Variants in ATP9A observed in about 807,000 individuals in gnomAD.
ATP9A encodes the protein ATPase phospholipid transporting 9A.
A neutral mutation model predicts 144.1 loss-of-function variants in ATP9A; 52 were observed. That is an observed-to-expected ratio of 0.36 (90% CI 0.29 to 0.45). The LOEUF (loss-of-function observed/expected upper bound fraction) is 0.45, where lower values mean the gene tolerates loss of function less well. ATP9A is among the 20% of genes least tolerant of loss of function. The pLI, the probability that ATP9A is intolerant of heterozygous loss-of-function variation, is 1.00. For missense variants in ATP9A, 947 were observed against 1,392.7 expected (o/e 0.68, Z 5.09); for synonymous variants, 582 against 557.4 (o/e 1.04, Z -0.62).
intron 14 of ATP9A, among the ~76,000 whole-genome samples, chr20:51,640,648 G>A (rs1431164800): frequency 6.6e-6 from 1 of 152,224 alleles, no homozygotes; most frequent in African/African-American, 2.4e-5. Context: ...TGTCAAGTCA[G>A]AACCTTCTCA....
In ATP9A at chr20:51,618,561, G is replaced by C. The variant is rs2077212828; in HGVS notation, c.2350+101C>G. On this transcript the variant is annotated intron_variant, in intron 21 of 27. Coordinates refer to ENST00000338821, the MANE Select transcript of ATP9A (RefSeq NM_006045.3). ...TCATGACCTGAACAAAGGGGCCTGG[G>C]GAATTTGAAGAAAGAGCAGCAGTGT... is the stretch of plus-strand genomic sequence containing the variant. 3.4e-6 allele frequency: 5 copies of C among 1,467,008 alleles called. No homozygotes were observed. The South Asian group carries it at 6.7e-5, about 20-fold the overall frequency. 90.9% of individuals were successfully genotyped at this position (1,467,008 alleles called of 1,614,324 possible).
chr20:51,653,593 C>A (rs1382033898), intron 14 of ATP9A, among the ~76,000 whole-genome samples: 1 of 152,126 alleles, frequency 6.6e-6, no homozygotes, highest in Non-Finnish European at 1.5e-5. Context: ...TGAGACCAGC[C>A]TGGCTAACAT....
Position 51,674,299 on chromosome 20 carries a change from G to C in ATP9A, c.891C>G (p.Asp297Glu). 1.2e-6 allele frequency: 2 copies of C among 1,613,392 alleles called. No homozygotes were observed. The highest frequency in any genetic ancestry group is 1.7e-6 in the Non-Finnish European group (2 of 1,179,956). Residue 297 changes from aspartate (D) to glutamate (E), a missense_variant, in exon 11 of 28, where the codon GAC becomes GAG. Around this residue, in one of 2 missense-constraint regions of ATP9A, gnomAD observed 770 missense variants for 1,047.9 expected, o/e 0.73. Transcript: ENST00000338821. ...TCTTGGTGAGGCAGTTCACTTCCAA[G>C]TCGAACAGGCCGATCTGTGGGACGA... ...SNPRSKIGLF[D>E]LEVNCLTKIL...
intron 14 of ATP9A, among the ~76,000 whole-genome samples, chr20:51,642,726 C>CAAA (rs778440862): frequency 3.2e-4 from 10 of 31,108 alleles, no homozygotes; most frequent in Admixed American, 4.7e-4. Context: ...ACTCTGTCTC[C>CAAA]AAAAAAAAAA....
At chr20:51,678,552 C>T (rs1473416505) in intron 9 of ATP9A, among the ~76,000 whole-genome samples, 3 of 152,320 alleles carry the variant, frequency 2.0e-5, no homozygotes, top group African/African-American at 7.2e-5. Flanking sequence ...CCAGGGAGAG[C>T]TTGCGGTGGC....
At position 51,600,659 on chromosome 20, in the gene ATP9A, C is replaced by T. The variant is rs1013647032; in HGVS notation, c.*552G>A. 1.3e-5 allele frequency: 2 copies of T among 152,146 alleles called. No homozygotes were observed. The highest frequency in any genetic ancestry group is 2.1e-4 in the South Asian group (1 of 4,816). 9.4% of individuals were successfully genotyped at this position (152,146 alleles called of 1,614,324 possible). On this transcript the variant is annotated 3_prime_UTR_variant, in exon 28 of 28. Coordinates refer to ENST00000338821, the MANE Select transcript of ATP9A (RefSeq NM_006045.3). ...GGCTGGAGACGATACTGAGCATTTC[C>T]GAATGGAGATTATTGTGTGGATAAC...
intron 8 of ATP9A, among the ~76,000 whole-genome samples, chr20:51,690,282 C>T (rs899588363): frequency 6.6e-5 from 10 of 151,674 alleles, no homozygotes; most frequent in South Asian, 2.1e-4. Context: ...TAGCTGGGCG[C>T]AGTGGCGGGC....
At position 51,599,768 on chromosome 20, in the gene ATP9A, A is replaced by G. The variant is rs1219754605; in HGVS notation, c.*1443T>C. 1 of 152,194 alleles carries G rather than the reference A, an allele frequency of 6.6e-6. No individual in the cohort carries two copies. Among genetic ancestry groups the G allele is most frequent in the African/African-American group, 2.4e-5 (1 of 41,426 alleles). 9.4% of individuals were successfully genotyped at this position (152,194 alleles called of 1,614,324 possible). On this transcript the variant is annotated 3_prime_UTR_variant, in exon 28 of 28. Transcript: ENST00000338821. ...GTACATCTCTGAAGCACACAGAAGT[A>G]GCGCCAGGCAGAGGGTTTGAAGGAT...
intron 9 of ATP9A, among the ~76,000 whole-genome samples, chr20:51,688,462 C>T (rs571912735): frequency 2.0e-5 from 3 of 151,926 alleles, no homozygotes; most frequent in East Asian, 3.9e-4. Flanking sequence ...CGTGGTGGTG[C>T]GGGCCTATAA....
intron 1 of ATP9A, among the ~76,000 whole-genome samples, chr20:51,759,716 G>A (rs1013419695): frequency 6.6e-6 from 1 of 151,810 alleles, no homozygotes; most frequent in Non-Finnish European, 1.5e-5. Flanking sequence ...AATAAAATAA[G>A]ATGTACACAC....
chr20:51,642,941 T>C (rs2077327108), intron 14 of ATP9A, among the ~76,000 whole-genome samples: 1 of 151,784 alleles, frequency 6.6e-6, no homozygotes, highest in African/African-American at 2.4e-5. Flanking sequence ...AAAACTGGGG[T>C]TCCAGTCCCC....
At chr20:51,613,897 C>A in intron 22 of ATP9A, 65 bp from the exon 23 acceptor site, 1 of 1,472,510 alleles carries the variant, frequency 6.8e-7, no homozygotes, top group Non-Finnish European at 9.1e-7. Context: ...CATTTTCTTT[C>A]ACTGAAAAAG....
intron 13 of ATP9A, among the ~76,000 whole-genome samples, chr20:51,663,466 T>C (rs2077419424): frequency 6.6e-6 from 1 of 152,134 alleles, no homozygotes; most frequent in African/African-American, 2.4e-5. Context: ...GTAGGCTCCA[T>C]GTCCCAGAGA....
At chr20:51,638,821 T>G (rs1410418978) in intron 15 of ATP9A, among the ~76,000 whole-genome samples, 1 of 152,090 alleles carries the variant, frequency 6.6e-6, no homozygotes, top group Non-Finnish European at 1.5e-5. Flanking sequence ...AATTAAAAAT[T>G]TTTAAAAGAG....
chr20:51,695,715 A>T (rs2077567955), intron 6 of ATP9A, among the ~76,000 whole-genome samples: 2 of 152,158 alleles, frequency 1.3e-5, no homozygotes, highest in South Asian at 4.1e-4. Context: ...CCCCATCATG[A>T]CACATCTGCT....
chr20:51,706,274 G>C (rs1391711033), intron 4 of ATP9A, among the ~76,000 whole-genome samples: 1 of 152,184 alleles, frequency 6.6e-6, no homozygotes, highest in Non-Finnish European at 1.5e-5. Flanking sequence ...AAAGGCTAAG[G>C]TTTTACATGC....
chr20:51,732,656 T>A (rs1273963967), intron 1 of ATP9A: 1 of 152,010 alleles, frequency 6.6e-6, no homozygotes, highest in Non-Finnish European at 1.5e-5. Flanking sequence ...GTTGGCCCCT[T>A]TCTAAGTTGT....
intron 4 of ATP9A, among the ~76,000 whole-genome samples, chr20:51,708,124 G>C (rs567214829): frequency 2.0e-5 from 3 of 152,222 alleles, no homozygotes; most frequent in Non-Finnish European, 4.4e-5. Flanking sequence ...AGCCATGGCA[G>C]TTGTATCAAA....
chr20:51,669,986 G>A lies in ATP9A; in HGVS notation c.1293+11C>T, dbSNP rs748561032. ...AAGAATTGTTTTGGGTGTTGAAATG[G>A]AAGGCTTTACCTGGGTGTAAATGCT... On this transcript the variant is annotated intron_variant, in intron 13 of 27. Transcript: ENST00000338821. 5.0e-6 allele frequency: 8 copies of A among 1,600,488 alleles called. No homozygotes were observed. In the South Asian group the frequency reaches 8.8e-5, roughly 18 times the overall value.
Sources: gnomAD v4.1 joint callset for allele counts (sites outside exome capture counted in the v4.1 genomes callset) on GRCh38, gnomAD v4.1.1 for gene constraint, gnomAD v4.1.1 regional missense constraint, MANE v1.5 for transcripts, NCBI Gene and HGNC (gene_info 2026-07-23, HGNC 2026-07-21) for gene names.